Variants in SNCAIP observed in about 807,000 individuals in gnomAD.
The protein encoded by SNCAIP is synphilin-1.
In SNCAIP, 43 loss-of-function variants were observed where a neutral mutation model predicts 86.7. The observed-to-expected ratio is 0.50, with a 90% CI of 0.39 to 0.64. The LOEUF (loss-of-function observed/expected upper bound fraction) is 0.64, where lower values mean the gene tolerates loss of function less well. Among genes scored for constraint, SNCAIP ranks in the 30% least tolerant of loss-of-function variants. The pLI, the probability that SNCAIP is intolerant of heterozygous loss-of-function variation, is 0.00. For missense variants in SNCAIP, 981 were observed against 1,103.1 expected (o/e 0.89, Z 1.57); for synonymous variants, 417 against 427.2 (o/e 0.98, Z 0.29).
intron 10 of SNCAIP, chr5:122,452,892 GT>G: frequency 1.4e-6 from 2 of 1,402,894 alleles, no homozygotes; most frequent in Non-Finnish European, 9.8e-7. Context: ...CTTGTTGCAT[GT>G]TTTCAGATGA....
chr5:122,327,977 G>A (rs1167021349), intron 1 of SNCAIP, among the ~76,000 whole-genome samples: 2 of 152,134 alleles, frequency 1.3e-5, no homozygotes, highest in South Asian at 2.1e-4. Flanking sequence ...AGGGTTAAAG[G>A]CCAAGTGGGT....
In SNCAIP at chr5:122,400,926, A is replaced by G. The variant is rs982334837; in HGVS notation, c.58-2867A>G. ...TCTAGAAAAAGAATAAATTATAGAG[A>G]TAGAAAATGTAATGCTTCTTCATTA... On this transcript the variant is annotated intron_variant, in intron 2 of 10. Transcript: ENST00000261368. 7 of 1,453,512 alleles carry G rather than the reference A, an allele frequency of 4.8e-6. No individual in the cohort carries two copies. In the African/African-American group the frequency reaches 5.8e-5, roughly 12 times the overall value. 90.0% of individuals were successfully genotyped at this position (1,453,512 alleles called of 1,614,324 possible).
chr5:122,425,550 G>GA lies in SNCAIP; in HGVS notation c.1182+21dup. On this transcript the variant is annotated intron_variant, in intron 5 of 10. Coordinates refer to ENST00000261368, the MANE Select transcript of SNCAIP (RefSeq NM_005460.4). The stretch of plus-strand genomic sequence containing the variant: ...CATTAAGGTGACTGGTTGGGGGCTG[G>GA]AACCTCCACAGCTAGAAGCTGGATT... The GA allele has an allele frequency of 6.2e-7, 1 of 1,603,082 alleles. No individual in the cohort carries two copies.
At chr5:122,350,874 T>C (rs1759638293) in intron 1 of SNCAIP, among the ~76,000 whole-genome samples, 1 of 152,166 alleles carries the variant, frequency 6.6e-6, no homozygotes, top group South Asian at 2.1e-4. Flanking sequence ...CGAGATTTCT[T>C]TGGAAGGAGG....
At chr5:122,334,029 A>G (rs1755914281) in intron 1 of SNCAIP, among the ~76,000 whole-genome samples, 1 of 152,180 alleles carries the variant, frequency 6.6e-6, no homozygotes, top group African/African-American at 2.4e-5. Context: ...AAGAAGAGAG[A>G]GGTGAATCAA....
intron 7 of SNCAIP, among the ~76,000 whole-genome samples, chr5:122,442,342 T>G (rs1484303215): frequency 6.6e-6 from 1 of 151,970 alleles, no homozygotes; most frequent in Admixed American, 6.6e-5. Flanking sequence ...AGGCAAGAGA[T>G]TTATGAAAAC....
intron 2 of SNCAIP, among the ~76,000 whole-genome samples, chr5:122,397,628 G>T (rs910560172): frequency 1.3e-5 from 2 of 152,144 alleles, no homozygotes; most frequent in Non-Finnish European, 2.9e-5. Flanking sequence ...CAAATGGTGG[G>T]AAGAAATGTA....
In SNCAIP at chr5:122,451,523, G is replaced by A. The variant is rs139079368; in HGVS notation, c.2676G>A (p.Leu892=). 6.8e-6 allele frequency: 11 copies of A among 1,613,672 alleles called. No individual in the cohort carries two copies. The highest frequency in any genetic ancestry group is 1.3e-5 in the African/African-American group (1 of 74,896). Residue 892 remains leucine (L), a synonymous_variant, in exon 10 of 11, where the codon TTG becomes TTA. Transcript: ENST00000261368. ...CCAACCAGCTGAAAACCTCTACATT[G>A]CCCTTGACCTCACTTGGGAGGAAGA... ...QAANQLKTST[L]PLTSLGRKTD...
intron 1 of SNCAIP, among the ~76,000 whole-genome samples, chr5:122,386,177 G>A (rs577420052): frequency 1.3e-4 from 20 of 152,230 alleles, no homozygotes; most frequent in African/African-American, 3.9e-4. Flanking sequence ...GGAAGTCTTC[G>A]TTTGGAATTA....
At chr5:122,450,512 T>C (rs1183301519) in intron 9 of SNCAIP, 21 bp from the exon 10 acceptor site, 1 of 1,558,712 alleles carries the variant, frequency 6.4e-7, no homozygotes, top group Non-Finnish European at 8.9e-7. Flanking sequence ...TCATCTCATA[T>C]GTCCTTCATC....
intron 1 of SNCAIP, among the ~76,000 whole-genome samples, chr5:122,354,422 A>T (rs538235039): frequency 6.6e-6 from 1 of 152,272 alleles, no homozygotes; most frequent in African/African-American, 2.4e-5. Context: ...TGCAGGCTAG[A>T]GTGCCCAATA....
At chr5:122,420,151 G>A (rs1319051236) in intron 3 of SNCAIP, among the ~76,000 whole-genome samples, 1 of 152,178 alleles carries the variant, frequency 6.6e-6, no homozygotes, top group Non-Finnish European at 1.5e-5. Flanking sequence ...GTTTGAAGAA[G>A]GAGAGGGACA....
chr5:122,347,883 G>A (rs12516432), intron 1 of SNCAIP, among the ~76,000 whole-genome samples: 7 of 151,996 alleles, frequency 4.6e-5, no homozygotes, highest in South Asian at 4.2e-4. Flanking sequence ...CCCTGATAAC[G>A]ATTTTCTTTT....
intron 1 of SNCAIP, among the ~76,000 whole-genome samples, chr5:122,334,297 G>A (rs1022572697): frequency 4.0e-5 from 6 of 151,744 alleles, no homozygotes; most frequent in East Asian, 1.9e-4. Flanking sequence ...AATGAAGCAA[G>A]TTTTCAAATG....
chr5:122,331,665 A>C (rs772008126), intron 1 of SNCAIP, among the ~76,000 whole-genome samples: 1 of 152,210 alleles, frequency 6.6e-6, no homozygotes, highest in Non-Finnish European at 1.5e-5. Flanking sequence ...TCTAGTTCGT[A>C]GCTGCTGCCT....
At position 122,416,894 on chromosome 5, in the gene SNCAIP, A is replaced by G. The variant is rs3811902; in HGVS notation, c.131-5974A>G. Among the ~76,000 whole-genome samples, 10 of 152,318 alleles carry G rather than the reference A, an allele frequency of 6.6e-5. No homozygotes were observed. In the East Asian group the frequency reaches 1.7e-3, roughly 26 times the overall value. ...GCGCCTAGGTTTCCAGTAGCTATGGATGTGAGGTATATTGTTGTGTACATT... is the reference window on the plus strand; with the variant it reads ...GCGCCTAGGTTTCCAGTAGCTATGGGTGTGAGGTATATTGTTGTGTACATT... On this transcript the variant is annotated intron_variant, in intron 3 of 10. Coordinates refer to ENST00000261368, the MANE Select transcript of SNCAIP (RefSeq NM_005460.4).
At chr5:122,433,065 G>T (rs1272476557) in intron 6 of SNCAIP, among the ~76,000 whole-genome samples, 1 of 151,862 alleles carries the variant, frequency 6.6e-6, no homozygotes, top group East Asian at 1.9e-4. Flanking sequence ...TCTTTAGTGG[G>T]AGTCATGCTT....
intron 8 of SNCAIP, 71 bp downstream of exon 8, chr5:122,444,803 G>A: frequency 8.2e-7 from 1 of 1,217,634 alleles, no homozygotes; most frequent in Non-Finnish European, 1.2e-6. Context: ...TCAGCCCCAT[G>A]CTGTGCTGAG....
At chr5:122,330,610 C>T (rs544701145) in intron 1 of SNCAIP, among the ~76,000 whole-genome samples, 1 of 152,060 alleles carries the variant, frequency 6.6e-6, no homozygotes, top group South Asian at 2.1e-4. Context: ...GTCTAAGTGC[C>T]TTTGGTTTTC....
Sources: gnomAD v4.1 joint callset for allele counts (sites outside exome capture counted in the v4.1 genomes callset) on GRCh38, gnomAD v4.1.1 for gene constraint, MANE v1.5 for transcripts, NCBI Gene and HGNC (gene_info 2026-07-23, HGNC 2026-07-21) for gene names.